SDK2: variants seen among roughly 807,000 people sequenced by gnomAD.
SDK2 encodes the protein sidekick cell adhesion molecule 2.
A neutral mutation model predicts 253.9 loss-of-function variants in SDK2; 105 were observed. The observed-to-expected ratio is 0.41, with a 90% CI of 0.35 to 0.49. The LOEUF (loss-of-function observed/expected upper bound fraction) is 0.49. Ranked by LOEUF, SDK2 falls within the 20% of genes least tolerant of loss-of-function variation. The pLI, the probability that SDK2 is intolerant of heterozygous loss-of-function variation, is 0.06. For missense variants in SDK2, 2,608 were observed against 3,003.0 expected (o/e 0.87, Z 3.07); for synonymous variants, 1,249 against 1,234.9 (o/e 1.01, Z -0.24).
At chr17:73,401,775 A>AC (rs140071991) in intron 19 of SDK2, 23 bp from the exon 20 acceptor site, 63,399 of 1,550,576 alleles carry the variant, frequency 0.041, 1,959 homozygotes, top group Admixed American at 0.11. Context: ...AGGAACCCCC[A>AC]CCCCCCAAGG....
At chr17:73,469,140 A>G (rs562603060) in intron 3 of SDK2, among the ~76,000 whole-genome samples, 320 of 152,192 alleles carry the variant, frequency 2.1e-3, no homozygotes, top group Middle Eastern at 0.017. Flanking sequence ...TCTTTTTATT[A>G]AGCCACACTG....
At chr17:73,638,780 G>T (rs146732726) in intron 1 of SDK2, among the ~76,000 whole-genome samples, 18 of 150,224 alleles carry the variant, frequency 1.2e-4, no homozygotes, top group African/African-American at 4.2e-4. Context: ...GATTATCCAA[G>T]ACAACTCTAA....
chr17:73,420,511 A>G (rs1032593779), intron 15 of SDK2, among the ~76,000 whole-genome samples: 5 of 151,354 alleles, frequency 3.3e-5, no homozygotes, highest in African/African-American at 9.7e-5. Context: ...TTATATTTTT[A>G]GTAGAGACGG....
At position 73,368,490 on chromosome 17, in the gene SDK2, G is replaced by A. The variant is rs778540581; in HGVS notation, c.5084C>T (p.Ala1695Val). ...VKLKNLTGYT[A>V]YMVSVAAFNA... Reference sequence around the variant, plus strand: ...GAAGGCGGCCACGCTGACCATGTAGGCCGTGTAGCCAGTCAAGTTCTTGAG... The same window carrying A: ...GAAGGCGGCCACGCTGACCATGTAGACCGTGTAGCCAGTCAAGTTCTTGAG... The change falls in exon 37 of 45, where the codon GCC becomes GTC. Residue 1695 changes from alanine to valine, a missense_variant. By Grantham distance (64) the Ala-to-Val change is moderately conservative. This residue lies in a region of SDK2 where 1,103 missense variants were observed against 1,143.9 expected (regional missense o/e 0.96). Coordinates refer to ENST00000392650, the MANE Select transcript of SDK2 (RefSeq NM_001144952.2). 2 of 1,610,602 alleles carry A rather than the reference G, an allele frequency of 1.2e-6. No individual in the cohort carries two copies. The highest frequency in any genetic ancestry group is 1.7e-6 in the Non-Finnish European group (2 of 1,178,760).
intron 1 of SDK2, among the ~76,000 whole-genome samples, chr17:73,602,446 A>C (rs751838279): frequency 1.6e-4 from 24 of 151,958 alleles, no homozygotes; most frequent in Non-Finnish European, 3.2e-4. Context: ...GGATTCTCTC[A>C]TTCTTAGCAG....
rs149498721 is a variant in SDK2 at position 73,588,616 on chromosome 17, C to T, written c.64+55409G>A. On this transcript the variant is annotated intron_variant, in intron 1 of 44. Coordinates refer to ENST00000392650, the MANE Select transcript of SDK2 (RefSeq NM_001144952.2). ...GGGGACATCTGGAAGCATTTTTGGT[C>T]GTCACAACTGGCATCTAGTGGGTAG... 8.1e-3 allele frequency among the ~76,000 whole-genome samples: 1,111 copies of T among 136,816 alleles called. 6 individuals are homozygous for T. Among genetic ancestry groups the T allele is most frequent in the Non-Finnish European group, 0.013 (804 of 64,068 alleles). The allele number at this position is 136,816 out of a possible 152,430, so 89.8% of individuals were successfully genotyped here. A position where few individuals can be genotyped will look rare whatever the true frequency, so the allele number is the denominator to read the frequency against.
At chr17:73,420,822 C>T (rs1354968735) in intron 15 of SDK2, among the ~76,000 whole-genome samples, 10 of 151,982 alleles carry the variant, frequency 6.6e-5, no homozygotes, top group African/African-American at 1.9e-4. Context: ...ATTACAGGCA[C>T]GTGCCGCCAT....
At chr17:73,608,466 G>A (rs2045934722) in intron 1 of SDK2, among the ~76,000 whole-genome samples, 1 of 152,094 alleles carries the variant, frequency 6.6e-6, no homozygotes, top group Non-Finnish European at 1.5e-5. Flanking sequence ...TTTTGAGAGG[G>A]AGTTTTGCCC....
intron 6 of SDK2, among the ~76,000 whole-genome samples, chr17:73,440,042 G>A (rs904562398): frequency 1.3e-5 from 2 of 151,688 alleles, no homozygotes; most frequent in Non-Finnish European, 2.9e-5. Context: ...GGTGAGGGCC[G>A]CACATGGCTG....
intron 2 of SDK2, among the ~76,000 whole-genome samples, chr17:73,491,206 C>G (rs77296406): frequency 0.02 from 3,033 of 152,166 alleles, 94 homozygotes; most frequent in African/African-American, 0.068. Context: ...CTCTCAGCAT[C>G]CTCTAACAGC....
chr17:73,588,693 G>A (rs1188399994), intron 1 of SDK2, among the ~76,000 whole-genome samples: 2 of 151,616 alleles, frequency 1.3e-5, no homozygotes, highest in Admixed American at 6.6e-5. Context: ...GCCTCCTGCG[G>A]TGCTCAGGAC....
At chr17:73,414,837 AGGGGTGGG>A (rs2063167392) in intron 17 of SDK2, 78 bp from the exon 18 acceptor site, 1 of 881,062 alleles carries the variant, frequency 1.1e-6, no homozygotes, top group Non-Finnish European at 1.9e-6. Flanking sequence ...GAGAAAACGC[AGGGGTGGG>A]GGCTATAGCC....
intron 3 of SDK2, among the ~76,000 whole-genome samples, chr17:73,460,686 T>G (rs1451552705): frequency 2.0e-5 from 3 of 152,192 alleles, no homozygotes; most frequent in Non-Finnish European, 4.4e-5. Context: ...TGCCAAGAAC[T>G]TCTTTCTAGG....
rs974285896 is a variant in SDK2, at chr17:73,487,883, C to A, written c.225-15665G>T. Among the ~76,000 whole-genome samples, 3 of 152,200 alleles carry A rather than the reference C, an allele frequency of 2.0e-5. No individual in the cohort carries two copies. The East Asian group carries it at 5.8e-4, about 29-fold the overall frequency. ...CCCAAAGAGTCACAGTCTTTAACAA[C>A]CTCGGCTGTGGCTTCAGACAACCCT... On this transcript the variant is annotated intron_variant, in intron 2 of 44. Coordinates refer to ENST00000392650, the MANE Select transcript of SDK2 (RefSeq NM_001144952.2).
intron 24 of SDK2, among the ~76,000 whole-genome samples, chr17:73,397,582 G>A (rs572612544): frequency 5.3e-5 from 8 of 152,170 alleles, no homozygotes; most frequent in South Asian, 4.1e-4. Flanking sequence ...TCACTACCTC[G>A]TGCAGGATGG....
At chr17:73,555,468 G>A (rs2045129068) in intron 1 of SDK2, among the ~76,000 whole-genome samples, 1 of 152,248 alleles carries the variant, frequency 6.6e-6, no homozygotes, top group Non-Finnish European at 1.5e-5. Flanking sequence ...TACTGAGGAT[G>A]CTGAGGCCCA....
intron 1 of SDK2, among the ~76,000 whole-genome samples, chr17:73,574,431 G>A (rs146571906): frequency 2.6e-5 from 4 of 152,310 alleles, no homozygotes; most frequent in East Asian, 1.9e-4. Context: ...ACATGTGTAC[G>A]TGCACACACA....
At position 73,397,419 on chromosome 17, in the gene SDK2, C is replaced by T. The variant is rs118158762; in HGVS notation, c.3354+616G>A. On this transcript the variant is annotated intron_variant, in intron 24 of 44. Transcript: ENST00000392650. Reference sequence around the variant, plus strand: ...CTCAGCCCTGCTGTTCATGAAAGCACGTGGGAGGATACGGGAGAACTTGGG... The same window carrying T: ...CTCAGCCCTGCTGTTCATGAAAGCATGTGGGAGGATACGGGAGAACTTGGG... Among the ~76,000 whole-genome samples, 509 of 152,250 alleles carry T rather than the reference C, an allele frequency of 3.3e-3. 15 individuals carry two copies. In the East Asian group the frequency reaches 0.054, roughly 16 times the overall value.
chr17:73,368,375 A>ACCCCTCCCCTCCTCAGGGC lies in SDK2; in HGVS notation c.5167+13_5167+31dup, dbSNP rs2062704153. The ACCCCTCCCCTCCTCAGGGC allele has an allele frequency of 2.8e-6, 4 of 1,439,756 alleles. No homozygotes were observed. The African/African-American group carries it at 5.8e-5, about 21-fold the overall frequency. 89.2% of individuals were successfully genotyped at this position (1,439,756 alleles called of 1,614,324 possible). A position where few individuals can be genotyped will look rare whatever the true frequency, so the allele number is the denominator to read the frequency against. Reference sequence around the variant, plus strand: ...TCTTGCAACCCCCCGTGGCCGACCTACCCCTCCCCTCCTCAGGGCCCCCTC... The same window carrying ACCCCTCCCCTCCTCAGGGC: ...TCTTGCAACCCCCCGTGGCCGACCTACCCCTCCCCTCCTCAGGGCCCCCTCCCCTCCTCAGGGCCCCCTC... On this transcript the variant is annotated intron_variant, in intron 37 of 44. Transcript: ENST00000392650.
Sources: gnomAD v4.1 joint callset for allele counts (sites outside exome capture counted in the v4.1 genomes callset) on GRCh38, gnomAD v4.1.1 for gene constraint, gnomAD v4.1.1 regional missense constraint, MANE v1.5 for transcripts, NCBI Gene and HGNC (gene_info 2026-07-23, HGNC 2026-07-21) for gene names.